Variants in SEMA3A observed in about 807,000 individuals in gnomAD.
SEMA3A encodes the protein semaphorin-3A.
Under a neutral mutation model 97.9 loss-of-function variants are expected in SEMA3A, and 29 were observed. The observed-to-expected ratio is 0.30, with a 90% confidence interval of 0.22 to 0.40. SEMA3A has a LOEUF of 0.40. Ranked by LOEUF, SEMA3A falls within the 10% of genes least tolerant of loss-of-function variation. SEMA3A has a pLI of 1.00. For synonymous variants in SEMA3A, 321 were observed against 323.7 expected, an observed-to-expected ratio of 0.99 and a Z score of 0.09; for missense variants, 763 against 951.3, an observed-to-expected ratio of 0.80 and a Z score of 2.60.
chr7:84,125,717 T>C (rs1014036082), intron 3 of SEMA3A, among the ~76,000 whole-genome samples: 2 of 151,978 alleles, frequency 1.3e-5, no homozygotes, highest in African/African-American at 4.8e-5. Flanking sequence ...GAGGCAAAGA[T>C]AGAGAGGGAG....
intron 1 of SEMA3A, among the ~76,000 whole-genome samples, chr7:84,400,311 C>A (rs1803867220): frequency 6.6e-6 from 1 of 152,014 alleles, no homozygotes; most frequent in South Asian, 2.1e-4. Context: ...AGTGACTAAC[C>A]CTGAAGGACA....
chr7:84,345,318 T>G (rs1364083876), intron 2 of SEMA3A, among the ~76,000 whole-genome samples: 2 of 152,222 alleles, frequency 1.3e-5, no homozygotes, highest in Non-Finnish European at 2.9e-5. Flanking sequence ...CTTGCCTCCA[T>G]GTTGATAGCT....
intron 1 of SEMA3A, among the ~76,000 whole-genome samples, chr7:84,384,658 T>C (rs1441805880): frequency 6.6e-6 from 1 of 152,140 alleles, no homozygotes; most frequent in Non-Finnish European, 1.5e-5. Context: ...CTGTGTCATC[T>C]CTTGTCCTAA....
intron 1 of SEMA3A, among the ~76,000 whole-genome samples, chr7:84,183,735 A>G (rs559958367): frequency 6.6e-6 from 1 of 152,236 alleles, no homozygotes; most frequent in Admixed American, 6.5e-5. Flanking sequence ...ACCTTTTTGG[A>G]AATATAAAAA....
At chr7:84,273,750 C>A (rs565670483) in intron 3 of SEMA3A, among the ~76,000 whole-genome samples, 1 of 152,160 alleles carries the variant, frequency 6.6e-6, no homozygotes, top group East Asian at 1.9e-4. Flanking sequence ...TTGTCAAATG[C>A]TTGCTATATT....
In SEMA3A at chr7:84,120,206, A is replaced by G. The variant is rs1795564471; in HGVS notation, c.333+8917T>C. Among the ~76,000 whole-genome samples the G allele has an allele frequency of 2.6e-5, 4 of 152,174 alleles. No homozygotes were observed. The South Asian group carries it at 8.3e-4, about 31-fold the overall frequency. ...AGACTTGGTTCATGGCAATTCAAACATAATTAATACCAACCTATTTGGCTG... is the reference window on the plus strand; with the variant it reads ...AGACTTGGTTCATGGCAATTCAAACGTAATTAATACCAACCTATTTGGCTG... On this transcript the variant is annotated intron_variant, in intron 3 of 16. Coordinates refer to ENST00000265362, the MANE Select transcript of SEMA3A (RefSeq NM_006080.3).
At chr7:84,292,800 T>G (rs1800782162) in intron 3 of SEMA3A, among the ~76,000 whole-genome samples, 1 of 152,110 alleles carries the variant, frequency 6.6e-6, no homozygotes, top group Non-Finnish European at 1.5e-5. Flanking sequence ...ATATTTTATT[T>G]TACATTTCAA....
intron 3 of SEMA3A, among the ~76,000 whole-genome samples, chr7:84,218,827 T>G (rs1188300163): frequency 6.6e-6 from 1 of 152,098 alleles, no homozygotes; most frequent in East Asian, 1.9e-4. Context: ...TATTCTATAT[T>G]TAACCTCCCC....
chr7:83,979,301 T>C (rs967028396), intron 14 of SEMA3A, among the ~76,000 whole-genome samples: 4 of 152,064 alleles, frequency 2.6e-5, no homozygotes, highest in Non-Finnish European at 4.4e-5. Flanking sequence ...ACATGGCTAA[T>C]TGTTGTATTT....
rs1030402682 is a variant in SEMA3A at position 84,246,081 on chromosome 7, C to A, written c.-82-51413G>T. On this transcript the variant is annotated intron_variant, in intron 3 of 3. Transcript: ENST00000424555. ...GGTGGGAGGAATCCAGAGAGGCAGT[C>A]TGGCTACAGCAGGATTTGCAGCATT... is the stretch of plus-strand genomic sequence containing the variant. 6.6e-5 allele frequency among the ~76,000 whole-genome samples: 10 copies of A among 152,316 alleles called. 1 individual carries two copies. The South Asian group carries it at 1.9e-3, about 28-fold the overall frequency.
chr7:84,359,608 T>C (rs1045953001), intron 2 of SEMA3A, among the ~76,000 whole-genome samples: 2 of 152,086 alleles, frequency 1.3e-5, no homozygotes, highest in African/African-American at 4.8e-5. Context: ...CTCTTTTTTG[T>C]GGTGTCTCTG....
chr7:84,259,894 A>G (rs1321742229), intron 3 of SEMA3A, among the ~76,000 whole-genome samples: 1 of 152,166 alleles, frequency 6.6e-6, no homozygotes, highest in Non-Finnish European at 1.5e-5. Context: ...AAATGAAGGC[A>G]AGCCCCTGGC....
intron 3 of SEMA3A, among the ~76,000 whole-genome samples, chr7:84,213,375 C>T (rs1167850270): frequency 1.3e-5 from 2 of 151,742 alleles, no homozygotes; most frequent in East Asian, 3.9e-4. Context: ...GACTCCTGGG[C>T]TCAATGGATC....
chr7:84,055,741 T>A (rs1195740222), intron 5 of SEMA3A, among the ~76,000 whole-genome samples: 3 of 152,222 alleles, frequency 2.0e-5, no homozygotes, highest in Non-Finnish European at 2.9e-5. Context: ...AAATTATATG[T>A]TGATTCTTAA....
chr7:84,064,759 G>A (rs1316709611), intron 4 of SEMA3A, among the ~76,000 whole-genome samples: 1 of 150,494 alleles, frequency 6.6e-6, no homozygotes. Flanking sequence ...GGAGCACCCA[G>A]ATTCATAAAG....
chr7:84,052,921 C>G (rs548110552), intron 5 of SEMA3A, among the ~76,000 whole-genome samples: 2 of 151,486 alleles, frequency 1.3e-5, no homozygotes, highest in African/African-American at 2.4e-5. Flanking sequence ...TGTCTTTGTT[C>G]TCGTTGGTTT....
At chr7:84,045,123 G>A (rs756114811) in intron 6 of SEMA3A, among the ~76,000 whole-genome samples, 12 of 151,934 alleles carry the variant, frequency 7.9e-5, no homozygotes, top group Non-Finnish European at 1.6e-4. Flanking sequence ...GAGGTCTATA[G>A]GTAGACCTGT....
chr7:84,119,886 CTA>C (rs1476486022), intron 3 of SEMA3A, among the ~76,000 whole-genome samples: 3 of 152,024 alleles, frequency 2.0e-5, no homozygotes, highest in Non-Finnish European at 4.4e-5. Flanking sequence ...TTACTGTACT[CTA>C]AAAGTATGTA....
chr7:84,195,339 T>TAA (rs1798196382), upstream of SEMA3A: 1 of 152,146 alleles, frequency 6.6e-6, no homozygotes, highest in East Asian at 1.9e-4. Flanking sequence ...ATTTTGATTT[T>TAA]AAAAATCTGA....
Sources: gnomAD v4.1 joint callset for allele counts (sites outside exome capture counted in the v4.1 genomes callset) on GRCh38, gnomAD v4.1.1 for gene constraint, MANE v1.5 for transcripts, NCBI Gene and HGNC (gene_info 2026-07-23, HGNC 2026-07-21) for gene names.